The following HNF4A variants were observed in gnomAD, a reference collection of about 807,000 sequenced individuals.
HNF4A encodes hepatocyte nuclear factor 4-alpha.
A neutral mutation model predicts 52.4 loss-of-function variants in HNF4A; 15 were observed. That is an observed-to-expected ratio of 0.29 (90% CI 0.19 to 0.44). HNF4A has a LOEUF of 0.44. HNF4A is among the 20% of genes least tolerant of loss of function. The pLI, the probability that HNF4A is intolerant of heterozygous loss-of-function variation, is 1.00. For synonymous variants in HNF4A, 280 were observed against 264.4 expected (o/e 1.06, Z -0.57); for missense variants, 479 against 647.2 (o/e 0.74, Z 2.82).
intron 1 of HNF4A, among the ~76,000 whole-genome samples, chr20:44,369,070 A>C (rs1234063616): frequency 8.1e-6 from 1 of 122,706 alleles, no homozygotes; most frequent in Non-Finnish European, 1.8e-5. Flanking sequence ...ACATGGTGAA[A>C]CCCTGTCTCT....
rs74366026 is a variant in HNF4A, at chr20:44,429,023, A to G, written c.1283-500A>G. 1.1e-4 allele frequency among the ~76,000 whole-genome samples: 17 copies of G among 152,370 alleles called. No individual in the cohort carries two copies. The East Asian group carries it at 3.3e-3, about 29-fold the overall frequency. On this transcript the variant is annotated intron_variant, in intron 9 of 9. Transcript: ENST00000316099. ...TCTCAGGGAAAGTTTTCCATTGAAC[A>G]AAGATGGCCAATTGGGTCAAATTTG...
intron 1 of HNF4A, among the ~76,000 whole-genome samples, chr20:44,377,347 C>G (rs1351008562): frequency 6.6e-6 from 1 of 152,174 alleles, no homozygotes; most frequent in Non-Finnish European, 1.5e-5. Flanking sequence ...TGCTCATTAC[C>G]TGGGTGATGA....
chr20:44,406,266 G>A (rs1289761330), intron 2 of HNF4A, 34 bp downstream of exon 2: 2 of 1,592,506 alleles, frequency 1.3e-6, no homozygotes, highest in Non-Finnish European at 1.7e-6. Context: ...CTGGGAAATG[G>A]GCACACTTGG....
intron 3 of HNF4A, 127 bp from the exon 4 acceptor site, chr20:44,413,567 C>T (rs1359978555): frequency 1.1e-5 from 8 of 725,790 alleles, no homozygotes; most frequent in Middle Eastern, 2.3e-4. Flanking sequence ...CCTCATTCCA[C>T]ATGCTGATGT....
chr20:44,400,586 T>TG (rs1210086617), upstream of HNF4A, among the ~76,000 whole-genome samples: 1 of 151,860 alleles, frequency 6.6e-6, no homozygotes. Context: ...GAGAATGTGA[T>TG]GGGAAAATCC....
chr20:44,405,956 A>G, intron 1 of HNF4A, 102 bp from the exon 2 acceptor site: 1 of 1,138,270 alleles, frequency 8.8e-7, no homozygotes, highest in Non-Finnish European at 1.3e-6. Context: ...CAGCCCCCAG[A>G]TCTGGCTGAG....
chr20:44,394,781 C>T (rs1194442154), intron 1 of HNF4A, among the ~76,000 whole-genome samples: 2 of 152,262 alleles, frequency 1.3e-5, no homozygotes, highest in Admixed American at 6.5e-5. Flanking sequence ...GCCTCCTGCC[C>T]ACCCAGGCCT....
chr20:44,401,675 T>TG (rs2063411599), intron 1 of HNF4A, among the ~76,000 whole-genome samples: 1 of 152,258 alleles, frequency 6.6e-6, no homozygotes, highest in African/African-American at 2.4e-5. Context: ...ACAGGCATTC[T>TG]GGGTGAAGGG....
intron 3 of HNF4A, among the ~76,000 whole-genome samples, chr20:44,410,447 G>A (rs2063565432): frequency 6.6e-6 from 1 of 152,068 alleles, no homozygotes; most frequent in South Asian, 2.1e-4. Context: ...CAAGCCATAG[G>A]AAATGAGGGT....
intron 7 of HNF4A, among the ~76,000 whole-genome samples, chr20:44,422,246 G>A (rs1198897261): frequency 6.6e-6 from 1 of 152,134 alleles, no homozygotes; most frequent in African/African-American, 2.4e-5. Context: ...GGCCCAGCCT[G>A]TATCCTCTGT....
Position 44,390,803 on chromosome 20 carries a change from C to G in HNF4A, c.50-15255C>G. On this transcript the variant is annotated intron_variant, in intron 1 of 9. Coordinates refer to the HNF4A transcript ENST00000316673. ...AGGATTTGTACCCTCATCCCCTAAC[C>G]CAGGAACGTCCATGGCCCTGATGGG... 8 of 622,906 alleles carry G rather than the reference C, an allele frequency of 1.3e-5. No individual in the cohort carries two copies. The South Asian group carries it at 1.5e-4, about 12-fold the overall frequency. The allele number at this position is 622,906 out of a possible 1,614,324, so 38.6% of individuals were successfully genotyped here. A position where few individuals can be genotyped will look rare whatever the true frequency, so the allele number is the denominator to read the frequency against.
intron 1 of HNF4A, among the ~76,000 whole-genome samples, chr20:44,367,393 C>T (rs1013663021): frequency 7.9e-5 from 12 of 151,368 alleles, no homozygotes; most frequent in African/African-American, 2.9e-4. Flanking sequence ...CACCTGTAAT[C>T]CCAGCACTTT....
In HNF4A at chr20:44,432,770, AC is replaced by A. The variant is rs1031351967; in HGVS notation, c.*3106del. ...CACTGCCGCCTGATGGGGCAAAGAA[AC>A]AAAAAACATTTCTTACTCTTCTGTG... On this transcript the variant is annotated 3_prime_UTR_variant, in exon 10 of 10. Transcript: ENST00000316099. The A allele has an allele frequency of 6.6e-6, 1 of 152,132 alleles. No individual in the cohort carries two copies. Among genetic ancestry groups the A allele is most frequent in the African/African-American group, 2.4e-5 (1 of 41,438 alleles). 9.4% of individuals were successfully genotyped at this position (152,132 alleles called of 1,614,324 possible). A position where few individuals can be genotyped will look rare whatever the true frequency, so the allele number is the denominator to read the frequency against.
chr20:44,402,469 T>C (rs2063423650), intron 1 of HNF4A: 1 of 919,060 alleles, frequency 1.1e-6, no homozygotes, highest in East Asian at 6.1e-5. Context: ...TGTGCACGAC[T>C]GCACAGACCC....
At chr20:44,368,136 A>G (rs1451229951) in intron 1 of HNF4A, among the ~76,000 whole-genome samples, 5 of 35,000 alleles carry the variant, frequency 1.4e-4, no homozygotes, top group East Asian at 6.8e-4. Context: ...GTGTGTGTGT[A>G]TATACATATA....
chr20:44,390,355 C>T (rs1046879840), intron 1 of HNF4A: 1 of 440,182 alleles, frequency 2.3e-6, no homozygotes, highest in Non-Finnish European at 4.1e-6. Context: ...CAGAGCAGGA[C>T]CCAGGAGTCC....
chr20:44,384,159 CTTTTTTT>C lies in HNF4A; in HGVS notation c.50-21879_50-21873del, dbSNP rs371586705. Among the ~76,000 whole-genome samples the C allele has an allele frequency of 5.5e-3, 687 of 125,546 alleles. 4 individuals carry two copies. Among genetic ancestry groups the C allele is most frequent in the East Asian group, 0.024 (97 of 4,082 alleles). The allele number at this position is 125,546 out of a possible 152,430, so 82.4% of individuals were successfully genotyped here. On this transcript the variant is annotated intron_variant, in intron 1 of 9. Coordinates refer to the HNF4A transcript ENST00000316673. ...AGCCATCACGCCTGGCCCCTGGCTC[CTTTTTTT>C]TTTTTTTTTTTTTTTTTTTAAATAA...
Position 44,414,511 on chromosome 20 carries a change from C to A in HNF4A, c.497C>A (p.Thr166Asn). ...TCTTCCCTGTATCTCTCGAAGATCA[C>A]CTCCCCCGTCTCCGGGATCAACGGC... is the stretch of plus-strand genomic sequence containing the variant. Residue 166 changes from threonine (T) to asparagine (N), a missense_variant, in exon 5 of 10, where the codon ACC (threonine) becomes AAC (asparagine). By Grantham distance (65) the Thr-to-Asn change is moderately conservative. Transcript: ENST00000316099. 1 of 1,614,256 alleles carries A rather than the reference C, an allele frequency of 6.2e-7. No individual in the cohort carries two copies. Among genetic ancestry groups the A allele is most frequent in the South Asian group, 1.1e-5 (1 of 91,088 alleles).
chr20:44,368,084 A>ATG (rs1388522420), intron 1 of HNF4A, among the ~76,000 whole-genome samples: 127 of 103,092 alleles, frequency 1.2e-3, no homozygotes, highest in African/African-American at 3.9e-3. Context: ...ATATATATAT[A>ATG]TATGTGTGTG....
Sources: gnomAD v4.1 joint callset for allele counts (sites outside exome capture counted in the v4.1 genomes callset) on GRCh38, gnomAD v4.1.1 for gene constraint, MANE v1.5 for transcripts, NCBI Gene and HGNC (gene_info 2026-07-23, HGNC 2026-07-21) for gene names.